SMARCA5: variants seen among roughly 807,000 people sequenced by gnomAD.
The protein encoded by SMARCA5 is SWI/SNF-related matrix-associated actin-dependent regulator of chromatin subfamily A member 5.
In SMARCA5, 18 loss-of-function variants were observed where a neutral mutation model predicts 140.4. That is an observed-to-expected ratio of 0.13 (90% CI 0.09 to 0.19). SMARCA5 has a LOEUF of 0.19. Ranked by LOEUF, SMARCA5 falls within the 10% of genes least tolerant of loss-of-function variation. SMARCA5 has a pLI of 1.00. For synonymous variants in SMARCA5, 449 were observed against 419.6 expected (o/e 1.07, Z -0.86); for missense variants, 606 against 1,276.8 (o/e 0.47, Z 8.01).
At chr4:143,547,546 C>T (rs1737551490) in intron 21 of SMARCA5, 43 bp downstream of exon 21, 2 of 1,001,312 alleles carry the variant, frequency 2.0e-6, no homozygotes, top group East Asian at 4.8e-5. Context: ...TAAAATAACT[C>T]CTAGCTGTGA....
chr4:143,543,759 G>C (rs1411518034), intron 15 of SMARCA5, 94 bp from the exon 16 acceptor site: 3 of 1,514,644 alleles, frequency 2.0e-6, no homozygotes, highest in Non-Finnish European at 2.7e-6. Flanking sequence ...TCCTTAAAGA[G>C]AAGCTTTTGT....
rs28520038 is a variant in SMARCA5 at position 143,514,837 on chromosome 4, C to T, written c.177+736C>T. On this transcript the variant is annotated intron_variant, in intron 1 of 23. Transcript: ENST00000283131. ...AGGCGCAGTTGGTTGGCTCTCAGTC[C>T]GGCACTTTTCTCTTTTTGGCCTCTG... Among the ~76,000 whole-genome samples, 351 of 151,682 alleles carry T rather than the reference C, an allele frequency of 2.3e-3. 1 individual carries two copies. The highest frequency in any genetic ancestry group is 8.3e-3 in the African/African-American group (343 of 41,308).
Position 143,555,460 on chromosome 4 carries a change from G to T in SMARCA5, c.*2276G>T. 1 of 543,482 alleles carries T rather than the reference G, an allele frequency of 1.8e-6. No homozygotes were observed. The highest frequency in any genetic ancestry group is 1.8e-5 in the South Asian group (1 of 54,692). The allele number at this position is 543,482 out of a possible 1,614,324, so 33.7% of individuals were successfully genotyped here. A position where few individuals can be genotyped will look rare whatever the true frequency, so the allele number is the denominator to read the frequency against. The stretch of plus-strand genomic sequence containing the variant: ...ATTGTATAATAGTTTCTGTTCTGTG[G>T]AAAGTAAAGCATTCCAACACAGGGT... On this transcript the variant is annotated 3_prime_UTR_variant, in exon 24 of 24. Transcript: ENST00000283131.
chr4:143,538,979 G>A (rs1737371687), intron 13 of SMARCA5, 41 bp downstream of exon 13: 1 of 1,567,428 alleles, frequency 6.4e-7, no homozygotes, highest in East Asian at 2.2e-5. Context: ...CTTAGTAGAT[G>A]GCGTTAGTTA....
At chr4:143,533,391 T>A (rs1737237943) in intron 9 of SMARCA5, among the ~76,000 whole-genome samples, 1 of 152,158 alleles carries the variant, frequency 6.6e-6, no homozygotes, top group Admixed American at 6.5e-5. Flanking sequence ...TCTAGAACTG[T>A]ACACTCATGA....
intron 3 of SMARCA5, among the ~76,000 whole-genome samples, chr4:143,523,666 T>G (rs757440700): frequency 6.6e-6 from 1 of 152,184 alleles, no homozygotes; most frequent in Non-Finnish European, 1.5e-5. Context: ...GCTTATCCTT[T>G]TAGCAAGCAT....
chr4:143,545,690 C>G (rs1295916164), intron 18 of SMARCA5, 107 bp downstream of exon 18: 3 of 789,738 alleles, frequency 3.8e-6, no homozygotes, highest in Non-Finnish European at 6.3e-6. Flanking sequence ...TGAAACAATA[C>G]TGCTTTAGCC....
chr4:143,555,222 T>G lies in SMARCA5; in HGVS notation c.*2038T>G. The G allele has an allele frequency of 1.2e-6, 1 of 823,396 alleles. No individual in the cohort carries two copies. Among genetic ancestry groups the G allele is most frequent in the Non-Finnish European group, 2.1e-6 (1 of 480,246 alleles). The allele number at this position is 823,396 out of a possible 1,614,324, so 51.0% of individuals were successfully genotyped here. A position where few individuals can be genotyped will look rare whatever the true frequency, so the allele number is the denominator to read the frequency against. Reference sequence around the variant, plus strand: ...CTACCACCATAGGGCCCAGAGCTTCTGCCTCCAAAGTTTCCTCCCTTCATG... The same window carrying G: ...CTACCACCATAGGGCCCAGAGCTTCGGCCTCCAAAGTTTCCTCCCTTCATG... On this transcript the variant is annotated 3_prime_UTR_variant, in exon 24 of 24. Coordinates refer to ENST00000283131, the MANE Select transcript of SMARCA5 (RefSeq NM_003601.4).
intron 9 of SMARCA5, among the ~76,000 whole-genome samples, chr4:143,534,253 G>C (rs1244122021): frequency 6.6e-6 from 1 of 151,962 alleles, no homozygotes; most frequent in Non-Finnish European, 1.5e-5. Flanking sequence ...AGGTAGTCTG[G>C]AACTGAGCCT....
intron 19 of SMARCA5, among the ~76,000 whole-genome samples, chr4:143,546,382 C>G (rs1432222866): frequency 2.0e-5 from 3 of 152,070 alleles, no homozygotes; most frequent in Admixed American, 6.6e-5. Flanking sequence ...TTTAAACATC[C>G]TTTGGTGTTC....
At chr4:143,521,725 T>G in intron 3 of SMARCA5, 130 bp downstream of exon 3, 1 of 816,438 alleles carries the variant, frequency 1.2e-6, no homozygotes, top group Non-Finnish European at 1.9e-6. Flanking sequence ...CCTGTTTGGC[T>G]TGGCATGATT....
chr4:143,524,510 A>G, intron 4 of SMARCA5, 43 bp downstream of exon 4: 3 of 1,291,472 alleles, frequency 2.3e-6, no homozygotes, highest in Non-Finnish European at 3.4e-6. Flanking sequence ...TTGCCCTTTG[A>G]GATCTCCTTT....
intron 17 of SMARCA5, 76 bp downstream of exon 17, chr4:143,544,923 G>T (rs776635235): frequency 1.3e-4 from 87 of 653,214 alleles, no homozygotes; most frequent in Middle Eastern, 2.7e-4. Context: ...CTTGCAAAAA[G>T]ATTGATAATT....
At position 143,524,485 on chromosome 4, in the gene SMARCA5, G is replaced by T; in HGVS notation, c.520+18G>T. 5.8e-6 allele frequency: 9 copies of T among 1,551,878 alleles called. No individual in the cohort carries two copies. The highest frequency in any genetic ancestry group is 8.0e-6 in the Non-Finnish European group (9 of 1,130,970). ...TCCATCGTGTATGTTAAACACACTT[G>T]ATTTTTTTAAAAAATTGCCCTTTGA... On this transcript the variant is annotated intron_variant, in intron 4 of 23. Transcript: ENST00000283131.
chr4:143,542,555 T>C (rs1737449360), intron 14 of SMARCA5, among the ~76,000 whole-genome samples: 1 of 152,184 alleles, frequency 6.6e-6, no homozygotes, highest in African/African-American at 2.4e-5. Context: ...TATCCTATTA[T>C]GGGTCCCAAA....
Position 143,524,448 on chromosome 4 carries a change from A to G in SMARCA5, c.501A>G (p.Arg167=). The G allele has an allele frequency of 6.2e-7, 1 of 1,610,734 alleles. No individual in the cohort carries two copies. The highest frequency in any genetic ancestry group is 1.1e-5 in the South Asian group (1 of 90,928). The change falls in exon 4 of 24, where the codon CGA becomes CGG. Residue 167 remains arginine (R), a synonymous_variant. Coordinates refer to ENST00000283131, the MANE Select transcript of SMARCA5 (RefSeq NM_003601.4). ...CCAAAGCAACCAATGTTTGCACTCG[A>G]TTTGAAGACTCTCCATCGTGTATGT... The part of the protein sequence containing the change: ...ESSKATNVCT[R]FEDSPSYVKW...
intron 2 of SMARCA5, among the ~76,000 whole-genome samples, chr4:143,519,922 C>T (rs542849732): frequency 1.7e-3 from 255 of 152,202 alleles, no homozygotes; most frequent in Non-Finnish European, 3.1e-3. Context: ...GCAGGCCTGT[C>T]TTTATTTTCT....
chr4:143,552,230 TATGTTG>T, intron 23 of SMARCA5, among the ~76,000 whole-genome samples: 1 of 152,066 alleles, frequency 6.6e-6, no homozygotes. Context: ...CTGTTTGTTG[TATGTTG>T]ATTTTGTATC....
intron 22 of SMARCA5, among the ~76,000 whole-genome samples, chr4:143,549,229 ATCTC>A (rs1737593026): frequency 1.3e-5 from 2 of 151,982 alleles, no homozygotes; most frequent in Admixed American, 6.6e-5. Context: ...GTATTCTTCT[ATCTC>A]TATATACTAT....
Sources: gnomAD v4.1 joint callset for allele counts (sites outside exome capture counted in the v4.1 genomes callset) on GRCh38, gnomAD v4.1.1 for gene constraint, MANE v1.5 for transcripts, NCBI Gene and HGNC (gene_info 2026-07-23, HGNC 2026-07-21) for gene names.